Variants in GRB7 observed in about 807,000 individuals in gnomAD.
The protein encoded by GRB7 is growth factor receptor bound protein 7, also known as growth factor receptor-bound protein 7.
GRB7 carries 47 observed loss-of-function variants against 64.1 expected under a neutral mutation model. That is an observed-to-expected ratio of 0.73 (90% CI 0.58 to 0.94). GRB7 has a LOEUF of 0.94. GRB7 is among the 40% of genes least tolerant of loss of function. The probability of loss-of-function intolerance (pLI) is 0.00; values close to 1 mark genes in which losing one functional copy is unlikely to be tolerated. For missense variants in GRB7, 634 were observed against 718.4 expected (o/e 0.88, Z 1.34); for synonymous variants, 277 against 279.9 (o/e 0.99, Z 0.10).
Position 39,742,987 on chromosome 17 carries a change from G to T in GRB7, c.396G>T (p.Val132=), listed in dbSNP as rs142099930. The T allele has an allele frequency of 8.7e-6, 14 of 1,613,302 alleles. No homozygotes were observed. The African/African-American group carries it at 1.5e-4, about 17-fold the overall frequency. ...ATARHVCEML[V]QRAHALSDET... ...CTCGCCACGTGTGTGAAATGCTGGT[G>T]CAGCGAGCTCACGCCTTGAGCGACG... Residue 132 remains valine (V), a synonymous_variant, in exon 4 of 15, where the codon GTG becomes GTT. Coordinates refer to ENST00000309156, the MANE Select transcript of GRB7 (RefSeq NM_005310.5).
chr17:39,743,952 C>A (rs2060019861), intron 6 of GRB7, 118 bp from the exon 7 acceptor site: 1 of 1,329,646 alleles, frequency 7.5e-7, no homozygotes, highest in Admixed American at 2.4e-5. Context: ...GTGATCGTGC[C>A]ACCGCACTAG....
In GRB7 at chr17:39,746,782, T is replaced by C. The variant is rs769589123; in HGVS notation, c.1484T>C (p.Met495Thr). 6 of 1,613,998 alleles carry C rather than the reference T, an allele frequency of 3.7e-6. No homozygotes were observed. The highest frequency in any genetic ancestry group is 3.3e-5 in the Admixed American group (2 of 60,002). The change falls in exon 15 of 15, where the codon ATG (methionine) becomes ACG (threonine). Residue 495 changes from methionine to threonine, a missense_variant. Met to Thr is a moderately conservative substitution (Grantham distance 81, BLOSUM62 -1). Coordinates refer to ENST00000309156, the MANE Select transcript of GRB7 (RefSeq NM_005310.5). ...GAGGAGGGCCGCCTGTACTTCAGCA[T>C]GGATGATGGCCAGACCCGCTTCACT... is the stretch of plus-strand genomic sequence containing the variant. Reference protein sequence around the residue: ...SEEEGRLYFSMDDGQTRFTDL... With the variant: ...SEEEGRLYFSTDDGQTRFTDL...
rs1434488387 is a variant in GRB7, at chr17:39,742,369, C to T, written c.68C>T (p.Thr23Ile). 4 of 1,613,730 alleles carry T rather than the reference C, an allele frequency of 2.5e-6. No individual in the cohort carries two copies. Among genetic ancestry groups the T allele is most frequent in the Non-Finnish European group, 3.4e-6 (4 of 1,179,830 alleles). Residue 23 changes from threonine (T) to isoleucine (I), a missense_variant, in exon 2 of 15, where the codon ACC (threonine) becomes ATC (isoleucine). Thr to Ile is a moderately conservative substitution (Grantham distance 89, BLOSUM62 -1). Around this residue, in one of 2 missense-constraint regions of GRB7, gnomAD observed 167 missense variants for 141.9 expected, o/e 1.18. Transcript: ENST00000309156. ...SPEDLCPAPG[T>I]PPGTPRPPDT... ...GAAGACCTTTGCCCAGCCCCTGGGA[C>T]CCCTCCTGGGACTCCCCGGCCCCCT...
At chr17:39,744,778 C>T in intron 8 of GRB7, 108 bp from the exon 9 acceptor site, 1 of 1,300,778 alleles carries the variant, frequency 7.7e-7, no homozygotes, top group Non-Finnish European at 1.1e-6. Context: ...CCTCTCCCTG[C>T]ACCCTGGCCT....
At chr17:39,739,959 G>C in intron 1 of GRB7, 4 of 983,988 alleles carry the variant, frequency 4.1e-6, no homozygotes, top group Non-Finnish European at 4.8e-6. Flanking sequence ...ACGGCTGGGG[G>C]GCTCTGAAGG....
chr17:39,740,992 C>G (rs2059989952), intron 1 of GRB7, among the ~76,000 whole-genome samples: 1 of 152,136 alleles, frequency 6.6e-6, no homozygotes, highest in Non-Finnish European at 1.5e-5. Flanking sequence ...AGGTCTCAGC[C>G]CGGCCAAAGG....
chr17:39,743,159 G>A (rs2060011835), intron 4 of GRB7, 21 bp from the exon 5 acceptor site: 1 of 1,613,578 alleles, frequency 6.2e-7, no homozygotes, highest in Non-Finnish European at 8.5e-7. Flanking sequence ...AATAACCCCT[G>A]CTTTTTGCCC....
At chr17:39,738,978 G>T in intron 1 of GRB7, 1 of 1,509,160 alleles carries the variant, frequency 6.6e-7, no homozygotes, top group Non-Finnish European at 8.9e-7. Context: ...AGGCTGGAGG[G>T]GTGTATGAGG....
chr17:39,742,079 T>C (rs568592882), intron 1 of GRB7, among the ~76,000 whole-genome samples, 173 bp from the exon 2 acceptor site: 19 of 152,032 alleles, frequency 1.2e-4, no homozygotes, highest in Admixed American at 8.5e-4. Context: ...GCAAGAATGC[T>C]TTCTTCTCAG....
intron 1 of GRB7, chr17:39,738,773 CG>C (rs1362189796): frequency 1.3e-6 from 1 of 773,784 alleles, no homozygotes; most frequent in Admixed American, 2.8e-5. Context: ...GACGTCTCTG[CG>C]GGCTGCGGGG....
chr17:39,746,614 CT>C, intron 14 of GRB7, 136 bp from the exon 15 acceptor site: 1 of 1,194,236 alleles, frequency 8.4e-7, no homozygotes, highest in South Asian at 1.5e-5. Flanking sequence ...AGAAAACTGT[CT>C]CAAAAAAAAA....
chr17:39,742,210 G>T (rs752625665), intron 1 of GRB7, 42 bp from the exon 2 acceptor site: 22 of 1,430,238 alleles, frequency 1.5e-5, no homozygotes, highest in Non-Finnish European at 2.1e-5. Context: ...TAACCGCCGT[G>T]TGAGGTCAGG....
chr17:39,739,894 T>G, intron 1 of GRB7: 1 of 593,638 alleles, frequency 1.7e-6, no homozygotes, highest in Non-Finnish European at 2.1e-6. Context: ...TCCTCCCTGC[T>G]CACCCCATTG....
chr17:39,743,518 G>A, intron 6 of GRB7, 48 bp downstream of exon 6: 1 of 1,457,664 alleles, frequency 6.9e-7, no homozygotes. Flanking sequence ...CCCCAGCATT[G>A]GCCAGTGCTT....
chr17:39,745,032 C>A, intron 9 of GRB7, 48 bp downstream of exon 9: 1 of 1,440,178 alleles, frequency 6.9e-7, no homozygotes, highest in South Asian at 1.2e-5. Flanking sequence ...CAGAGGGATC[C>A]CCAGCTCTGC....
intron 1 of GRB7, among the ~76,000 whole-genome samples, chr17:39,741,730 A>G (rs2059995766): frequency 6.6e-6 from 1 of 152,176 alleles, no homozygotes; most frequent in Admixed American, 6.5e-5. Flanking sequence ...CTAAAGAAAG[A>G]GCACTGGAGC....
intron 1 of GRB7, among the ~76,000 whole-genome samples, chr17:39,740,658 C>T (rs2059987369): frequency 6.6e-6 from 1 of 152,178 alleles, no homozygotes; most frequent in Non-Finnish European, 1.5e-5. Context: ...TCCTCCTCCC[C>T]CATCCTGTTC....
chr17:39,742,684 G>A lies in GRB7; in HGVS notation c.274G>A (p.Gly92Arg). The A allele has an allele frequency of 6.3e-7, 1 of 1,584,506 alleles. No individual in the cohort carries two copies. Among genetic ancestry groups the A allele is most frequent in the Non-Finnish European group, 8.6e-7 (1 of 1,165,472 alleles). ...TCTCGGGGGCCCCTCCAGTGCAAGGGGGCTGCTCCCCCGCGATGCCAGCCG... is the reference window on the plus strand; with the variant it reads ...TCTCGGGGGCCCCTCCAGTGCAAGGAGGCTGCTCCCCCGCGATGCCAGCCG... Reference protein sequence around the residue: ...PILGGPSSARGLLPRDASRPH... With the variant: ...PILGGPSSARRLLPRDASRPH... Residue 92 changes from glycine to arginine, a missense_variant, in exon 3 of 15, where the codon GGG (glycine) becomes AGG (arginine). This residue lies in a region of GRB7 where 167 missense variants were observed against 141.9 expected (regional missense o/e 1.18). Transcript: ENST00000309156.
chr17:39,742,374 C>A lies in GRB7; in HGVS notation c.73C>A (p.Pro25Thr). ...EDLCPAPGTP[P>T]GTPRPPDTPL... ...CCTTTGCCCAGCCCCTGGGACCCCT[C>A]CTGGGACTCCCCGGCCCCCTGATAC... Residue 25 changes from proline to threonine, a missense_variant, in exon 2 of 15, where the codon CCT becomes ACT. This residue lies in a region of GRB7 where 167 missense variants were observed against 141.9 expected (regional missense o/e 1.18). Coordinates refer to ENST00000309156, the MANE Select transcript of GRB7 (RefSeq NM_005310.5). The A allele has an allele frequency of 6.2e-7, 1 of 1,614,004 alleles. No individual in the cohort carries two copies. The highest frequency in any genetic ancestry group is 8.5e-7 in the Non-Finnish European group (1 of 1,179,958).
Sources: gnomAD v4.1 joint callset for allele counts (sites outside exome capture counted in the v4.1 genomes callset) on GRCh38, gnomAD v4.1.1 for gene constraint, gnomAD v4.1.1 regional missense constraint, MANE v1.5 for transcripts, NCBI Gene and HGNC (gene_info 2026-07-23, HGNC 2026-07-21) for gene names.